The following SREBF2 variants were observed in gnomAD, a reference collection of about 807,000 sequenced individuals.
SREBF2 encodes sterol regulatory element binding transcription factor 2.
In SREBF2, 55 loss-of-function variants were observed where a neutral mutation model predicts 113.1. The ratio of observed to expected loss-of-function variants is 0.49; its 90% CI spans 0.39 to 0.61. The LOEUF (loss-of-function observed/expected upper bound fraction) is 0.61, where lower values mean the gene tolerates loss of function less well. Ranked by LOEUF, SREBF2 falls within the 20% of genes least tolerant of loss-of-function variation. SREBF2 has a pLI of 0.00. For synonymous variants in SREBF2, 593 were observed against 605.7 expected, an observed-to-expected ratio of 0.98 and a Z score of 0.31; for missense variants, 1,349 against 1,487.4, an observed-to-expected ratio of 0.91 and a Z score of 1.53.
chr22:41,851,111 G>C (rs2076925796), intron 1 of SREBF2, among the ~76,000 whole-genome samples: 1 of 151,974 alleles, frequency 6.6e-6, no homozygotes, highest in Non-Finnish European at 1.5e-5. Flanking sequence ...GGGTATCAGT[G>C]GTAGCTACTT....
In SREBF2 at chr22:41,906,143, G is replaced by A. The variant is rs879069027; in HGVS notation, c.*483G>A. On this transcript the variant is annotated 3_prime_UTR_variant, in exon 19 of 19. Coordinates refer to ENST00000361204, the MANE Select transcript of SREBF2 (RefSeq NM_004599.4). ...AGTGTGCTTGGGTTTGCCATGATGC[G>A]AGGCTGAGTTGCTGTAGCGTCTTGA... The A allele has an allele frequency of 7.3e-5, 28 of 382,348 alleles. No homozygotes were observed. The highest frequency in any genetic ancestry group is 4.7e-4 in the South Asian group (24 of 51,086). The allele number at this position is 382,348 out of a possible 1,614,324, so 23.7% of individuals were successfully genotyped here. A position where few individuals can be genotyped will look rare whatever the true frequency, so the allele number is the denominator to read the frequency against.
chr22:41,862,309 T>C (rs919603845), intron 1 of SREBF2, among the ~76,000 whole-genome samples: 1 of 152,138 alleles, frequency 6.6e-6, no homozygotes, highest in African/African-American at 2.4e-5. Context: ...ACCTCTAATT[T>C]TGGTTATTTG....
intron 1 of SREBF2, among the ~76,000 whole-genome samples, chr22:41,856,900 C>G (rs2148361853): frequency 6.6e-6 from 1 of 152,078 alleles, no homozygotes; most frequent in Admixed American, 6.6e-5. Context: ...CACGAAGTCT[C>G]TACTAAAAAT....
At chr22:41,904,161 A>G (rs1460446513) in intron 17 of SREBF2, among the ~76,000 whole-genome samples, 3 of 152,090 alleles carry the variant, frequency 2.0e-5, no homozygotes, top group Non-Finnish European at 2.9e-5. Context: ...TACAGGTGTG[A>G]GCCACCTCGC....
At chr22:41,900,612 C>A in intron 16 of SREBF2, 114 bp downstream of exon 16, 1 of 1,111,332 alleles carries the variant, frequency 9.0e-7, no homozygotes, top group Non-Finnish European at 1.3e-6. Flanking sequence ...GACAGAGAAA[C>A]CAGGACAGCA....
At chr22:41,866,509 C>T (rs1016962883) in intron 1 of SREBF2, among the ~76,000 whole-genome samples, 5 of 152,198 alleles carry the variant, frequency 3.3e-5, no homozygotes. Context: ...AAGTTCGCGC[C>T]ACTGCACTCC....
rs555445974 is a variant in SREBF2 at position 41,905,908 on chromosome 22, T to C, written c.*248T>C. On this transcript the variant is annotated 3_prime_UTR_variant, in exon 19 of 19. Coordinates refer to ENST00000361204, the MANE Select transcript of SREBF2 (RefSeq NM_004599.4). ...AGGGCAGAAACTGGGCAGCCCTGAC[T>C]TGATAGCAGCAGGGGGAGCTCCCAA... 2.2e-5 allele frequency: 15 copies of C among 674,812 alleles called. No individual in the cohort carries two copies. In the South Asian group the frequency reaches 2.3e-4, roughly 10 times the overall value. 41.8% of individuals were successfully genotyped at this position (674,812 alleles called of 1,614,324 possible).
At chr22:41,900,638 A>C in intron 16 of SREBF2, 140 bp downstream of exon 16, 1 of 889,224 alleles carries the variant, frequency 1.1e-6, no homozygotes, top group South Asian at 1.7e-5. Flanking sequence ...CTTTCAAAAA[A>C]GTTACGGCTT....
intron 4 of SREBF2, 124 bp downstream of exon 4, chr22:41,871,159 A>C (rs1341821835): frequency 6.2e-6 from 8 of 1,300,220 alleles, no homozygotes; most frequent in African/African-American, 1.5e-5. Flanking sequence ...CAAATCAGTC[A>C]AATTGTAAAT....
At chr22:41,855,751 A>G (rs2076971386) in intron 1 of SREBF2, among the ~76,000 whole-genome samples, 1 of 148,828 alleles carries the variant, frequency 6.7e-6, no homozygotes, top group South Asian at 2.1e-4. Context: ...GTGCTGTAGT[A>G]TAACTTTTTT....
At chr22:41,870,295 C>T (rs1252704284) in intron 3 of SREBF2, among the ~76,000 whole-genome samples, 1 of 152,218 alleles carries the variant, frequency 6.6e-6, no homozygotes, top group Non-Finnish European at 1.5e-5. Flanking sequence ...TGCTGGGCCA[C>T]TGGCACCACC....
intron 4 of SREBF2, among the ~76,000 whole-genome samples, chr22:41,873,154 A>G (rs2077162645): frequency 6.6e-6 from 1 of 152,144 alleles, no homozygotes; most frequent in Non-Finnish European, 1.5e-5. Flanking sequence ...CCGAGATCAC[A>G]CCATTGCATT....
rs535003647 is a variant in SREBF2, at chr22:41,894,732, A to G, written c.2378-88A>G. ...GGCATCTGATCCCCATTCACAAGGC[A>G]TGGCTGTGTTTGGAGTTTCTCTCCG... On this transcript the variant is annotated intron_variant, in intron 12 of 18. Transcript: ENST00000361204. 5.1e-5 allele frequency: 56 copies of G among 1,103,858 alleles called. No individual in the cohort carries two copies. In the South Asian group the frequency reaches 6.0e-4, roughly 12 times the overall value. 68.4% of individuals were successfully genotyped at this position (1,103,858 alleles called of 1,614,324 possible).
At chr22:41,899,228 T>G (rs969918140) in intron 15 of SREBF2, 24 of 1,082,570 alleles carry the variant, frequency 2.2e-5, no homozygotes, top group African/African-American at 3.3e-5. Context: ...TTATCCACTT[T>G]CCTTCCAGCC....
rs1248129331 is a variant in SREBF2, at chr22:41,864,239, T to G, written c.89-2592T>G. 3.5e-5 allele frequency among the ~76,000 whole-genome samples: 3 copies of G among 85,728 alleles called. 1 individual carries two copies. Among genetic ancestry groups the G allele is most frequent in the African/African-American group, 1.4e-4 (3 of 20,884 alleles). 56.2% of individuals were successfully genotyped at this position (85,728 alleles called of 152,430 possible). Reference sequence around the variant, plus strand: ...TTCTGCAAGCATATATATATATATATATATATATATATATATATATATACA... The same window carrying G: ...TTCTGCAAGCATATATATATATATAGATATATATATATATATATATATACA... On this transcript the variant is annotated intron_variant, in intron 1 of 18. Transcript: ENST00000361204.
At chr22:41,880,673 G>A (rs370173064) in intron 9 of SREBF2, 43 bp from the exon 10 acceptor site, 58 of 1,613,590 alleles carry the variant, frequency 3.6e-5, no homozygotes, top group Middle Eastern at 1.7e-4. Flanking sequence ...ACAAAAAGCC[G>A]GAGCAAGGCC....
intron 14 of SREBF2, 151 bp downstream of exon 14, chr22:41,897,312 C>T (rs1414111008): frequency 1.7e-6 from 1 of 590,708 alleles, no homozygotes; most frequent in Non-Finnish European, 3.0e-6. Context: ...TCACAGTCAC[C>T]CCCTCCCAAA....
At chr22:41,880,191 C>T (rs2077231905) in intron 9 of SREBF2, among the ~76,000 whole-genome samples, 1 of 152,186 alleles carries the variant, frequency 6.6e-6, no homozygotes, top group South Asian at 2.1e-4. Flanking sequence ...GGGGGCCACA[C>T]TTTGAGACCC....
chr22:41,858,194 C>T (rs1602289261), intron 1 of SREBF2, among the ~76,000 whole-genome samples: 2 of 152,182 alleles, frequency 1.3e-5, no homozygotes, highest in African/African-American at 2.4e-5. Flanking sequence ...ATCTCATTTT[C>T]AGTGGCCTAC....
Sources: gnomAD v4.1 joint callset for allele counts (sites outside exome capture counted in the v4.1 genomes callset) on GRCh38, gnomAD v4.1.1 for gene constraint, MANE v1.5 for transcripts, NCBI Gene and HGNC (gene_info 2026-07-23, HGNC 2026-07-21) for gene names.